NALCN: variants seen among roughly 807,000 people sequenced by gnomAD.
NALCN encodes the protein sodium leak channel, non-selective.
In NALCN, 111 loss-of-function variants were observed where a neutral mutation model predicts 225.3. The observed-to-expected ratio is 0.49, with a 90% CI of 0.42 to 0.58. The LOEUF (loss-of-function observed/expected upper bound fraction) is 0.58, where lower values mean the gene tolerates loss of function less well. NALCN is among the 20% of genes least tolerant of loss of function. NALCN has a pLI of 0.00. For missense variants in NALCN, 1,378 were observed against 2,202.4 expected (o/e 0.63, Z 7.49); for synonymous variants, 764 against 769.0 (o/e 0.99, Z 0.11).
intron 15 of NALCN, among the ~76,000 whole-genome samples, chr13:101,170,973 C>G (rs1758938519): frequency 6.6e-6 from 1 of 152,142 alleles, no homozygotes; most frequent in Non-Finnish European, 1.5e-5. Context: ...TCTTCATATT[C>G]AAACCTTGCA....
At chr13:101,345,737 AATATAT>A (rs10560892) in intron 6 of NALCN, among the ~76,000 whole-genome samples, 1,509 of 86,614 alleles carry the variant, frequency 0.017, 97 homozygotes, top group Admixed American at 0.089. Flanking sequence ...CAGCAAAGAG[AATATAT>A]ATATATATAT....
chr13:101,075,792 T>G, intron 35 of NALCN, 81 bp downstream of exon 35: 1 of 1,203,616 alleles, frequency 8.3e-7, no homozygotes, highest in Non-Finnish European at 1.2e-6. Context: ...ATAACCGAGG[T>G]AAGGCTGTAA....
intron 7 of NALCN, among the ~76,000 whole-genome samples, chr13:101,305,699 T>A (rs74385738): frequency 0.01 from 1,527 of 152,342 alleles, 33 homozygotes; most frequent in African/African-American, 0.034. Flanking sequence ...GGTTATACCA[T>A]TGTTTATCTC....
intron 7 of NALCN, among the ~76,000 whole-genome samples, chr13:101,316,012 T>G (rs2044541177): frequency 6.6e-6 from 1 of 152,180 alleles, no homozygotes; most frequent in Admixed American, 6.5e-5. Context: ...TGTTATGCAG[T>G]GTGTTCGACT....
intron 39 of NALCN, 35 bp downstream of exon 39, chr13:101,067,883 G>C (rs1468837606): frequency 7.3e-7 from 1 of 1,378,412 alleles, no homozygotes; most frequent in South Asian, 1.2e-5. Context: ...AAGTCTCTTT[G>C]AGGTGAGGCA....
chr13:101,211,833 C>T (rs936127029), intron 13 of NALCN, among the ~76,000 whole-genome samples: 2 of 151,850 alleles, frequency 1.3e-5, no homozygotes, highest in African/African-American at 2.4e-5. Context: ...TATAAAATAT[C>T]TCCAAAGATG....
intron 6 of NALCN, among the ~76,000 whole-genome samples, chr13:101,358,352 A>T (rs2046124836): frequency 6.6e-6 from 1 of 152,206 alleles, no homozygotes; most frequent in Non-Finnish European, 1.5e-5. Flanking sequence ...ATTTGCAAGA[A>T]AAAAAGAAAC....
At chr13:101,195,200 G>A (rs1421615060) in intron 13 of NALCN, among the ~76,000 whole-genome samples, 1 of 152,058 alleles carries the variant, frequency 6.6e-6, no homozygotes, top group Non-Finnish European at 1.5e-5. Flanking sequence ...AAGGCAGAGA[G>A]GAAGTTGTTT....
At chr13:101,360,029 G>C (rs2046183238) in intron 6 of NALCN, among the ~76,000 whole-genome samples, 1 of 151,884 alleles carries the variant, frequency 6.6e-6, no homozygotes, top group African/African-American at 2.4e-5. Context: ...AAAGAAATAA[G>C]ATACCCAGTC....
At chr13:101,368,244 A>C (rs1378708256) in intron 6 of NALCN, among the ~76,000 whole-genome samples, 6 of 148,254 alleles carry the variant, frequency 4.0e-5, no homozygotes, top group Non-Finnish European at 4.4e-5. Flanking sequence ...ATGAGTGAGA[A>C]TATGCGGTGT....
chr13:101,064,944 C>A (rs149024250), intron 40 of NALCN, among the ~76,000 whole-genome samples: 1 of 152,176 alleles, frequency 6.6e-6, no homozygotes, highest in African/African-American at 2.4e-5. Flanking sequence ...TTTTAGCCAA[C>A]GGGGCAACCA....
intron 3 of NALCN, among the ~76,000 whole-genome samples, chr13:101,382,372 A>T (rs1038231562): frequency 9.2e-5 from 14 of 152,046 alleles, no homozygotes; most frequent in African/African-American, 3.1e-4. Context: ...GTATTCTGAT[A>T]TGTTTTTGGA....
At chr13:101,348,710 C>T (rs1352038569) in intron 6 of NALCN, among the ~76,000 whole-genome samples, 2 of 151,962 alleles carry the variant, frequency 1.3e-5, no homozygotes, top group Non-Finnish European at 1.5e-5. Context: ...GCACAACTCT[C>T]ACTAGATATT....
Position 101,155,886 on chromosome 13 carries a change from T to C in NALCN, c.1840-10990A>G, listed in dbSNP as rs111694605. The stretch of plus-strand genomic sequence containing the variant: ...CTCTTGTCTGTGGCAATTACAACAA[T>C]AGTTTCCTAATGGCAATTTTCTGTT... On this transcript the variant is annotated intron_variant, in intron 15 of 43. Transcript: ENST00000251127. Among the ~76,000 whole-genome samples the C allele has an allele frequency of 2.2e-3, 335 of 152,346 alleles. 4 individuals are homozygous for C. Among genetic ancestry groups the C allele is most frequent in the African/African-American group, 7.7e-3 (319 of 41,580 alleles).
chr13:101,195,444 C>A (rs904122281), intron 13 of NALCN, among the ~76,000 whole-genome samples: 6 of 152,140 alleles, frequency 3.9e-5, no homozygotes, highest in African/African-American at 1.4e-4. Context: ...CTTAAAAAGA[C>A]TTCTCTCACT....
chr13:101,213,494 A>G (rs2040604873), intron 13 of NALCN, among the ~76,000 whole-genome samples: 2 of 152,190 alleles, frequency 1.3e-5, no homozygotes, highest in African/African-American at 2.4e-5. Context: ...AGAAACTACC[A>G]TCAGAGTGAA....
At chr13:101,124,523 CATT>C (rs2036136691) in intron 18 of NALCN, 82 bp downstream of exon 18, 1 of 1,167,258 alleles carries the variant, frequency 8.6e-7, no homozygotes, top group South Asian at 1.3e-5. Flanking sequence ...ATGCCCAGAA[CATT>C]AATTCATTTT....
chr13:101,304,561 A>T (rs1480522969), intron 7 of NALCN, among the ~76,000 whole-genome samples: 2 of 151,784 alleles, frequency 1.3e-5, no homozygotes, highest in African/African-American at 4.8e-5. Flanking sequence ...TTACAGGCGG[A>T]TGAGGAGCTG....
At chr13:101,353,719 C>T (rs1227305751) in intron 6 of NALCN, among the ~76,000 whole-genome samples, 1 of 152,156 alleles carries the variant, frequency 6.6e-6, no homozygotes, top group East Asian at 1.9e-4. Context: ...GATTTTCCCA[C>T]TCCTTTCACC....
Sources: gnomAD v4.1 joint callset for allele counts (sites outside exome capture counted in the v4.1 genomes callset) on GRCh38, gnomAD v4.1.1 for gene constraint, MANE v1.5 for transcripts, NCBI Gene and HGNC (gene_info 2026-07-23, HGNC 2026-07-21) for gene names.